The following CAPN10 variants were observed in gnomAD, a reference collection of about 807,000 sequenced individuals.
CAPN10 encodes the protein calpain-10.
CAPN10 carries 71 observed loss-of-function variants against 78.4 expected under a neutral mutation model. That is an observed-to-expected ratio of 0.91 (90% CI 0.75 to 1.10). The LOEUF is 1.10. Ranked by LOEUF, CAPN10 falls within the 50% of genes least tolerant of loss-of-function variation. The pLI is 0.00. For synonymous variants in CAPN10, 437 were observed against 407.2 expected (o/e 1.07, Z -0.88); for missense variants, 849 against 924.6 (o/e 0.92, Z 1.06).
Position 240,593,913 on chromosome 2 carries a change from G to A in CAPN10, c.696G>A (p.Arg232=), listed in dbSNP as rs776333977. The A allele has an allele frequency of 5.0e-6, 8 of 1,596,496 alleles. No individual in the cohort carries two copies. In the South Asian group the frequency reaches 7.8e-5, roughly 16 times the overall value. The change falls in exon 5 of 12, where the codon CGG becomes CGA. Residue 232 remains arginine (R), a synonymous_variant. Transcript: ENST00000391984. ...CCVLSPRAGA[R]ELGEFHAFIV... is the part of the protein sequence containing the mutation. ...GCGCCATTCCTCATGCAGGTGCCCG[G>A]GAGCTGGGGGAGTTCCATGCCTTCA...
chr2:240,598,373 G>A lies in CAPN10; in HGVS notation c.1965G>A (p.Glu655=), dbSNP rs2093151039. 8 of 1,613,738 alleles carry A rather than the reference G, an allele frequency of 5.0e-6. No individual in the cohort carries two copies. The highest frequency in any genetic ancestry group is 1.3e-5 in the African/African-American group (1 of 74,930). Reference sequence around the variant, plus strand: ...ACAGGCCATCCATTCACAGCCAGGAGATGCTGGGCCAGTTCCTCCAAGAGG... The same window carrying A: ...ACAGGCCATCCATTCACAGCCAGGAAATGCTGGGCCAGTTCCTCCAAGAGG... ...RIDRPSIHSQ[E]MLGQFLQEVS... Residue 655 remains glutamate (E), a synonymous_variant, in exon 11 of 12, where the codon GAG becomes GAA. Coordinates refer to ENST00000391984, the MANE Select transcript of CAPN10 (RefSeq NM_023083.4).
chr2:240,594,658 A>T lies in CAPN10; in HGVS notation c.946A>T (p.Thr316Ser). 1 of 1,613,776 alleles carries T rather than the reference A, an allele frequency of 6.2e-7. No individual in the cohort carries two copies. Among genetic ancestry groups the T allele is most frequent in the Non-Finnish European group, 8.5e-7 (1 of 1,179,970 alleles). ...EEFLREFDEL[T>S]VGYPVTEAGH... ...GTTCCTCAGGGAGTTTGACGAGCTCACCGTTGGCTACCCGGTCACGGAGGC... is the reference window on the plus strand; with the variant it reads ...GTTCCTCAGGGAGTTTGACGAGCTCTCCGTTGGCTACCCGGTCACGGAGGC... Residue 316 changes from threonine (T) to serine (S), a missense_variant, in exon 6 of 12, where the codon ACC (threonine) becomes TCC (serine). Thr to Ser is a moderately conservative substitution (Grantham distance 58). Transcript: ENST00000391984.
At chr2:240,587,082 G>A in intron 1 of CAPN10, 30 bp downstream of exon 1, 2 of 1,328,424 alleles carry the variant, frequency 1.5e-6, no homozygotes, top group South Asian at 1.8e-5. Context: ...GGTGGGCGCC[G>A]TTTCTGGTTT....
chr2:240,595,461 C>T, intron 7 of CAPN10, 157 bp downstream of exon 7: 3 of 752,816 alleles, frequency 4.0e-6, no homozygotes, highest in Non-Finnish European at 6.4e-6. Context: ...GGGTTGACGT[C>T]TGCTGGTGCT....
At chr2:240,589,576 C>A (rs911869925) in intron 2 of CAPN10, 102 bp downstream of exon 2, 5 of 1,403,562 alleles carry the variant, frequency 3.6e-6, no homozygotes, top group Non-Finnish European at 4.8e-6. Flanking sequence ...AGCTGTGCCG[C>A]AGCCGGATCT....
chr2:240,595,130 G>A lies in CAPN10; in HGVS notation c.1104G>A (p.Trp368Ter). The change falls in exon 7 of 12, where the codon TGG (tryptophan) becomes TGA (stop). Residue 368 changes from tryptophan (W) to a stop codon, truncating the protein, a stop_gained. Coordinates refer to ENST00000391984, the MANE Select transcript of CAPN10 (RefSeq NM_023083.4). LOFTEE classifies it high-confidence loss of function. Reference protein sequence around the residue: ...NSGFPSNPKFWLRVSEPSEVY... With the variant: ...NSGFPSNPKF Reference sequence around the variant, plus strand: ...GCTTTCCCAGCAACCCCAAATTCTGGCTGCGGGTCTCAGAACCGAGTGAGG... The same window carrying A: ...GCTTTCCCAGCAACCCCAAATTCTGACTGCGGGTCTCAGAACCGAGTGAGG... The A allele has an allele frequency of 6.2e-7, 1 of 1,613,968 alleles. No individual in the cohort carries two copies. Among genetic ancestry groups the A allele is most frequent in the Non-Finnish European group, 8.5e-7 (1 of 1,180,038 alleles).
rs1215404495 is a variant in CAPN10, at chr2:240,586,874, A to T, written c.-38A>T. 2.2e-6 allele frequency: 3 copies of T among 1,348,936 alleles called. No homozygotes were observed. The highest frequency in any genetic ancestry group is 2.8e-6 in the Non-Finnish European group (3 of 1,054,626). The allele number at this position is 1,348,936 out of a possible 1,614,324, so 83.6% of individuals were successfully genotyped here. A position where few individuals can be genotyped will look rare whatever the true frequency, so the allele number is the denominator to read the frequency against. ...CCTTCTCTCCGGGGCTGCGACCCCG[A>T]GGCAACCGGCTGCAGATGGGAGCCC... On this transcript the variant is annotated 5_prime_UTR_variant, in exon 1 of 12. Transcript: ENST00000391984.
Position 240,586,749 on chromosome 2 carries a change from C to A in CAPN10, c.-163C>A. The A allele has an allele frequency of 1.9e-6, 1 of 538,894 alleles. No homozygotes were observed. Among genetic ancestry groups the A allele is most frequent in the Admixed American group, 4.5e-5 (1 of 22,276 alleles). The allele number at this position is 538,894 out of a possible 1,614,324, so 33.4% of individuals were successfully genotyped here. On this transcript the variant is annotated 5_prime_UTR_variant, in exon 1 of 12. Coordinates refer to ENST00000391984, the MANE Select transcript of CAPN10 (RefSeq NM_023083.4). Reference sequence around the variant, plus strand: ...TACCAATGGGAGACTAGCGGGCCGGCGTACTGGCCTGGTCCAGCACCTGCG... The same window carrying A: ...TACCAATGGGAGACTAGCGGGCCGGAGTACTGGCCTGGTCCAGCACCTGCG...
chr2:240,589,198 G>T (rs1437470926), intron 1 of CAPN10, 145 bp from the exon 2 acceptor site: 1 of 1,054,370 alleles, frequency 9.5e-7, no homozygotes, highest in African/African-American at 1.6e-5. Flanking sequence ...CCCGCTGCAG[G>T]AAACCACCTT....
At chr2:240,593,098 C>T (rs971349500) in intron 4 of CAPN10, among the ~76,000 whole-genome samples, 10 of 152,206 alleles carry the variant, frequency 6.6e-5, no homozygotes, top group Admixed American at 3.3e-4. Context: ...CCAGGAAGGA[C>T]GCTGGCCTCA....
At position 240,591,020 on chromosome 2, in the gene CAPN10, G is replaced by A; in HGVS notation, c.470+9G>A. ...GAAAAGGTCTACGCCAAGTGCGTGT[G>A]CTGGGGGCTGAAGGGCCTGGCCTGG... On this transcript the variant is annotated intron_variant, in intron 3 of 11. Transcript: ENST00000391984. 1.9e-6 allele frequency: 3 copies of A among 1,612,202 alleles called. No homozygotes were observed. The highest frequency in any genetic ancestry group is 2.5e-6 in the Non-Finnish European group (3 of 1,178,752).
chr2:240,592,760 C>G (rs573497224), intron 4 of CAPN10: 5 of 274,872 alleles, frequency 1.8e-5, no homozygotes, highest in African/African-American at 1.1e-4. Flanking sequence ...CCGCTTCTCA[C>G]ACTGCCACAC....
In CAPN10 at chr2:240,590,987, C is replaced by T. The variant is rs774681980; in HGVS notation, c.446C>T (p.Pro149Leu). 1.2e-6 allele frequency: 2 copies of T among 1,614,132 alleles called. No individual in the cohort carries two copies. Among genetic ancestry groups the T allele is most frequent in the Admixed American group, 1.7e-5 (1 of 60,020 alleles). ...CAGAGGGAGGATGTGTTCTGGCTCC[C>T]CTTACTGGAAAAGGTCTACGCCAAG... ...RCQREDVFWL[P>L]LLEKVYAKVH... Residue 149 changes from proline to leucine, a missense_variant, in exon 3 of 12, where the codon CCC becomes CTC. Transcript: ENST00000391984.
chr2:240,596,594 C>A, intron 8 of CAPN10, 73 bp downstream of exon 8: 3 of 1,538,730 alleles, frequency 1.9e-6, no homozygotes, highest in Non-Finnish European at 2.6e-6. Context: ...TGGGCACTTT[C>A]CCTCTGTGGT....
In CAPN10 at chr2:240,589,433, G is replaced by T; in HGVS notation, c.232G>T (p.Ala78Ser). 2 of 1,613,970 alleles carry T rather than the reference G, an allele frequency of 1.2e-6. No individual in the cohort carries two copies. Among genetic ancestry groups the T allele is most frequent in the South Asian group, 1.1e-5 (1 of 91,090 alleles). ...GCTGGGGGATTGCTGGTTCCTGTGT[G>T]CCTGCGCCGCGCTGCAGAAGAGCAG... ...GLLGDCWFLC[A>S]CAALQKSRHL... The change falls in exon 2 of 12, where the codon GCC becomes TCC. Residue 78 changes from alanine (A) to serine (S), a missense_variant. Transcript: ENST00000391984.
chr2:240,594,669 C>T lies in CAPN10; in HGVS notation c.957C>T (p.Tyr319=), dbSNP rs146688203. The T allele has an allele frequency of 6.2e-7, 1 of 1,613,780 alleles. No individual in the cohort carries two copies. Among genetic ancestry groups the T allele is most frequent in the East Asian group, 2.2e-5 (1 of 44,878 alleles). The change falls in exon 6 of 12, where the codon TAC becomes TAT. Residue 319 remains tyrosine (Y), a synonymous_variant. Transcript: ENST00000391984. ...AGTTTGACGAGCTCACCGTTGGCTACCCGGTCACGGAGGCCGGCCACCTGC... is the reference window on the plus strand; with the variant it reads ...AGTTTGACGAGCTCACCGTTGGCTATCCGGTCACGGAGGCCGGCCACCTGC... ...LREFDELTVG[Y]PVTEAGHLQS...
rs1024365275 is a variant in CAPN10, at chr2:240,592,159, C to G, written c.688+9C>G. Reference sequence around the variant, plus strand: ...GCTCAGCCCCAGAGCAGGTGAGGCACGTGGCCAGCATGGGAGGGCTGCAGC... The same window carrying G: ...GCTCAGCCCCAGAGCAGGTGAGGCAGGTGGCCAGCATGGGAGGGCTGCAGC... On this transcript the variant is annotated intron_variant, in intron 4 of 11. Transcript: ENST00000391984. The G allele has an allele frequency of 2.6e-6, 4 of 1,553,356 alleles. No homozygotes were observed. Among genetic ancestry groups the G allele is most frequent in the Non-Finnish European group, 3.5e-6 (4 of 1,148,152 alleles).
chr2:240,593,142 G>C (rs41266975), intron 4 of CAPN10, among the ~76,000 whole-genome samples: 19,148 of 152,268 alleles, frequency 0.13, 1,453 homozygotes, highest in South Asian at 0.19. Context: ...GCGCTGGTCT[G>C]GTGGGCATTA....
At chr2:240,592,577 G>A (rs964303540) in intron 4 of CAPN10, 6 of 461,570 alleles carry the variant, frequency 1.3e-5, no homozygotes, top group African/African-American at 2.0e-5. Context: ...GGGAGGCTGA[G>A]GTGGGAGTAT....
Sources: allele counts gnomAD v4.1 joint callset (sites outside exome capture counted in the v4.1 genomes callset), GRCh38; gene constraint gnomAD v4.1.1; transcripts MANE v1.5; gene names NCBI Gene and HGNC (gene_info 2026-07-23, HGNC 2026-07-21).